Variants in AQP2 observed in about 807,000 individuals in gnomAD.
AQP2 encodes the protein aquaporin-2.
In AQP2, 20 loss-of-function variants were observed where a neutral mutation model predicts 21.6. The ratio of observed to expected loss-of-function variants is 0.92; its 90% CI spans 0.65 to 1.34. The LOEUF is 1.34. Ranked by LOEUF, AQP2 falls within the 40% of genes most tolerant of loss-of-function variation. The pLI is 0.00. For missense variants in AQP2, 325 were observed against 363.4 expected (o/e 0.89, Z 0.86); for synonymous variants, 168 against 166.9 (o/e 1.01, Z -0.05).
Position 49,955,627 on chromosome 12 carries a change from A to T in AQP2, c.*19A>T. ...GGCCTGAGGGCCGCCAGCGGCCTCT[A>T]CGGCCCCGACGGACGCTTGTGAGGC... On this transcript the variant is annotated 3_prime_UTR_variant, in exon 4 of 4. Coordinates refer to ENST00000199280, the MANE Select transcript of AQP2 (RefSeq NM_000486.6). 1 of 1,540,358 alleles carries T rather than the reference A, an allele frequency of 6.5e-7. No individual in the cohort carries two copies.
In AQP2 at chr12:49,952,373, G is replaced by A. The variant is rs554081739; in HGVS notation, c.360+1183G>A. 4.2e-3 allele frequency among the ~76,000 whole-genome samples: 641 copies of A among 152,230 alleles called. 2 individuals are homozygous for A. Among genetic ancestry groups the A allele is most frequent in the Non-Finnish European group, 7.0e-3 (475 of 68,006 alleles). The stretch of plus-strand genomic sequence containing the variant: ...TCCACCCGCCTCAGCCTCCCAAAGT[G>A]CTGGAATTACAGGCATGAGCCACCA... On this transcript the variant is annotated intron_variant, in intron 1 of 3. Transcript: ENST00000199280.
Position 49,951,021 on chromosome 12 carries a change from G to T in AQP2, c.191G>T (p.Gly64Val). 3 of 1,614,028 alleles carry T rather than the reference G, an allele frequency of 1.9e-6. No homozygotes were observed. The highest frequency in any genetic ancestry group is 2.5e-6 in the Non-Finnish European group (3 of 1,180,042). ...GTACAGGCTCTGGGCCACATAAGCGGGGCCCACATCAACCCTGCCGTGACT... is the reference window on the plus strand; with the variant it reads ...GTACAGGCTCTGGGCCACATAAGCGTGGCCCACATCAACCCTGCCGTGACT... The part of the protein sequence containing the change: ...TLVQALGHIS[G>V]AHINPAVTVA... The change falls in exon 1 of 4, where the codon GGG becomes GTG. Residue 64 changes from glycine to valine, a missense_variant. Physicochemically the swap from Gly to Val is moderately radical, Grantham distance 109. Transcript: ENST00000199280.
Position 49,955,420 on chromosome 12 carries a change from G to T in AQP2, c.628G>T (p.Val210Leu). The change falls in exon 4 of 4, where the codon GTG (valine) becomes TTG (leucine). Residue 210 changes from valine (V) to leucine (L), a missense_variant. Coordinates refer to ENST00000199280, the MANE Select transcript of AQP2 (RefSeq NM_000486.6). ...DHWVFWIGPL[V>L]GAILGSLLYN... is the part of the protein sequence containing the mutation. ...CCAGGTCTTCTGGATCGGACCCCTG[G>T]TGGGCGCCATCCTGGGCTCCCTCCT... 1 of 1,612,648 alleles carries T rather than the reference G, an allele frequency of 6.2e-7. No individual in the cohort carries two copies. Among genetic ancestry groups the T allele is most frequent in the Non-Finnish European group, 8.5e-7 (1 of 1,179,752 alleles).
At chr12:49,952,071 C>T (rs573336215) in intron 1 of AQP2, 46 of 152,070 alleles carry the variant, frequency 3.0e-4, no homozygotes, top group African/African-American at 1.1e-3. Flanking sequence ...CTTCTCTGCA[C>T]AAGTGGCCCT....
intron 3 of AQP2, 114 bp from the exon 4 acceptor site, chr12:49,955,285 C>T (rs757465331): frequency 2.8e-6 from 3 of 1,071,624 alleles, no homozygotes; most frequent in African/African-American, 1.6e-5. Context: ...AAGCATTTTA[C>T]TAGATTAATG....
chr12:49,955,688 C>T lies in AQP2; in HGVS notation c.*80C>T, dbSNP rs1947364256. 1 of 1,491,264 alleles carries T rather than the reference C, an allele frequency of 6.7e-7. No individual in the cohort carries two copies. Among genetic ancestry groups the T allele is most frequent in the Non-Finnish European group, 9.0e-7 (1 of 1,108,746 alleles). The allele number at this position is 1,491,264 out of a possible 1,614,324, so 92.4% of individuals were successfully genotyped here. ...AGGGCCCACCCCGTCCCTCCTCTCC[C>T]GCAGGTCTGAAGTTGGCCCCCCAGC... is the stretch of plus-strand genomic sequence containing the variant. On this transcript the variant is annotated 3_prime_UTR_variant, in exon 4 of 4. Coordinates refer to ENST00000199280, the MANE Select transcript of AQP2 (RefSeq NM_000486.6).
intron 1 of AQP2, among the ~76,000 whole-genome samples, chr12:49,952,966 G>C (rs931652044): frequency 6.6e-6 from 1 of 152,198 alleles, no homozygotes; most frequent in Non-Finnish European, 1.5e-5. Context: ...TCCCCCTATG[G>C]TGAGTGGCAA....
intron 2 of AQP2, 54 bp from the exon 3 acceptor site, chr12:49,954,576 T>TGCAG: frequency 6.3e-7 from 1 of 1,589,984 alleles, no homozygotes; most frequent in Non-Finnish European, 8.6e-7. Flanking sequence ...GGACAAGGAC[T>TGCAG]TCCTGCCCTG....
Position 49,951,330 on chromosome 12 carries a change from A to G in AQP2, c.360+140A>G, listed in dbSNP as rs1003963913. On this transcript the variant is annotated intron_variant, in intron 1 of 3. Coordinates refer to ENST00000199280, the MANE Select transcript of AQP2 (RefSeq NM_000486.6). Reference sequence around the variant, plus strand: ...GCAGAGAGAGAGGCTGGAGCCAGGAACACAGCCACCATAGGAGGGTCAGGA... The same window carrying G: ...GCAGAGAGAGAGGCTGGAGCCAGGAGCACAGCCACCATAGGAGGGTCAGGA... 8 of 1,262,616 alleles carry G rather than the reference A, an allele frequency of 6.3e-6. No homozygotes were observed. In the African/African-American group the frequency reaches 1.2e-4, roughly 19 times the overall value. The allele number at this position is 1,262,616 out of a possible 1,614,324, so 78.2% of individuals were successfully genotyped here.
intron 1 of AQP2, chr12:49,951,587 G>A (rs1447091635): frequency 5.0e-6 from 1 of 198,108 alleles, no homozygotes; most frequent in Non-Finnish European, 1.0e-5. Context: ...AGAGAAGAGG[G>A]GCCCAGCATT....
chr12:49,955,570 C>A lies in AQP2; in HGVS notation c.778C>A (p.His260Asn), dbSNP rs1947362109. 4 of 1,590,918 alleles carry A rather than the reference C, an allele frequency of 2.5e-6. No individual in the cohort carries two copies. The Admixed American group carries it at 6.9e-5, about 27-fold the overall frequency. Residue 260 changes from histidine to asparagine, a missense_variant, in exon 4 of 4, where the codon CAC becomes AAC. Coordinates refer to ENST00000199280, the MANE Select transcript of AQP2 (RefSeq NM_000486.6). ...EVRRRQSVEL[H>N]SPQSLPRGTK... Reference sequence around the variant, plus strand: ...GCGACGGCGGCAGTCGGTGGAGCTGCACTCGCCGCAGAGCCTGCCACGGGG... The same window carrying A: ...GCGACGGCGGCAGTCGGTGGAGCTGAACTCGCCGCAGAGCCTGCCACGGGG...
In AQP2 at chr12:49,955,634, C is replaced by G. The variant is rs539657032; in HGVS notation, c.*26C>G. Reference sequence around the variant, plus strand: ...GGGCCGCCAGCGGCCTCTACGGCCCCGACGGACGCTTGTGAGGCCCGAGGC... The same window carrying G: ...GGGCCGCCAGCGGCCTCTACGGCCCGGACGGACGCTTGTGAGGCCCGAGGC... On this transcript the variant is annotated 3_prime_UTR_variant, in exon 4 of 4. Transcript: ENST00000199280. The G allele has an allele frequency of 2.6e-5, 40 of 1,536,984 alleles. No homozygotes were observed. Among genetic ancestry groups the G allele is most frequent in the Non-Finnish European group, 3.4e-5 (39 of 1,147,704 alleles).
At chr12:49,954,002 T>A in intron 1 of AQP2, 153 bp from the exon 2 acceptor site, 1 of 1,082,564 alleles carries the variant, frequency 9.2e-7, no homozygotes, top group Non-Finnish European at 1.4e-6. Context: ...GAAGAAGGGA[T>A]CAGTCGTTGC....
intron 1 of AQP2, among the ~76,000 whole-genome samples, chr12:49,952,595 A>C (rs1002274585): frequency 6.6e-6 from 1 of 152,254 alleles, no homozygotes; most frequent in Non-Finnish European, 1.5e-5. Context: ...CTTCTCTAAT[A>C]GCAGGGCACT....
intron 1 of AQP2, chr12:49,952,141 G>A (rs1947334879): frequency 6.6e-6 from 1 of 152,276 alleles, no homozygotes; most frequent in Non-Finnish European, 1.5e-5. Flanking sequence ...GTTTTGTTTT[G>A]TTTTTGAGAT....
intron 1 of AQP2, 172 bp downstream of exon 1, chr12:49,951,362 G>C (rs1257715483): frequency 1.1e-6 from 1 of 893,164 alleles, no homozygotes; most frequent in Non-Finnish European, 1.6e-6. Flanking sequence ...AGGATGAAAG[G>C]AGCAATGATA....
chr12:49,955,316 C>T, intron 3 of AQP2, 83 bp from the exon 4 acceptor site: 3 of 1,384,534 alleles, frequency 2.2e-6, no homozygotes, highest in East Asian at 2.4e-5. Context: ...GAGGTGCGGC[C>T]GCAGAGTGTG....
rs868273662 is a variant in AQP2, at chr12:49,958,050, T to A, written c.*2442T>A. 6.6e-6 allele frequency: 1 copy of A among 152,228 alleles called. No homozygotes were observed. The highest frequency in any genetic ancestry group is 2.1e-4 in the South Asian group (1 of 4,834). The allele number at this position is 152,228 out of a possible 1,614,324, so 9.4% of individuals were successfully genotyped here. On this transcript the variant is annotated 3_prime_UTR_variant, in exon 4 of 4. Transcript: ENST00000199280. ...TCCAGGGGTGGAGGGAAATTGGCAGTTCCTGGCATCTCTTGTGTACCAGCT... is the reference window on the plus strand; with the variant it reads ...TCCAGGGGTGGAGGGAAATTGGCAGATCCTGGCATCTCTTGTGTACCAGCT...
chr12:49,955,671 C>A lies in AQP2; in HGVS notation c.*63C>A. On this transcript the variant is annotated 3_prime_UTR_variant, in exon 4 of 4. Coordinates refer to ENST00000199280, the MANE Select transcript of AQP2 (RefSeq NM_000486.6). ...GTGAGGCCCGAGGCAGAAGGGCCCA[C>A]CCCGTCCCTCCTCTCCCGCAGGTCT... The A allele has an allele frequency of 8.0e-6, 12 of 1,506,794 alleles. No individual in the cohort carries two copies. The highest frequency in any genetic ancestry group is 2.5e-5 in the East Asian group (1 of 40,732). 93.3% of individuals were successfully genotyped at this position (1,506,794 alleles called of 1,614,324 possible). A position where few individuals can be genotyped will look rare whatever the true frequency, so the allele number is the denominator to read the frequency against.
Sources: gnomAD v4.1 joint callset for allele counts (sites outside exome capture counted in the v4.1 genomes callset) on GRCh38, gnomAD v4.1.1 for gene constraint, MANE v1.5 for transcripts, NCBI Gene and HGNC (gene_info 2026-07-23, HGNC 2026-07-21) for gene names.